The following RPRD1A variants were observed in gnomAD, a reference collection of about 807,000 sequenced individuals.
RPRD1A encodes regulation of nuclear pre-mRNA domain containing 1A.
RPRD1A carries 9 observed loss-of-function variants against 37.8 expected under a neutral mutation model. The observed-to-expected ratio is 0.24, with a 90% CI of 0.14 to 0.42. RPRD1A has a LOEUF of 0.42. RPRD1A is among the 10% of genes least tolerant of loss of function. RPRD1A has a pLI of 1.00. For synonymous variants in RPRD1A, 138 were observed against 139.7 expected (o/e 0.99, Z 0.08); for missense variants, 255 against 371.0 (o/e 0.69, Z 2.57).
rs1270475358 is a variant in RPRD1A, at chr18:36,067,543, C to T, written c.-139G>A. ...CGGCCGCCGCTTCATCCAAGACCGG[C>T]CGCAAACCAGCAAGATGGCGTCCGG... is the stretch of plus-strand genomic sequence containing the variant. On this transcript the variant is annotated 5_prime_UTR_variant, in exon 1 of 7. Coordinates refer to ENST00000399022, the MANE Select transcript of RPRD1A (RefSeq NM_018170.5). The T allele has an allele frequency of 2.4e-6, 2 of 828,436 alleles. No individual in the cohort carries two copies. Among genetic ancestry groups the T allele is most frequent in the African/African-American group, 1.8e-5 (1 of 56,284 alleles). The allele number at this position is 828,436 out of a possible 1,614,324, so 51.3% of individuals were successfully genotyped here.
At chr18:36,033,153 T>C (rs1490304205) in intron 2 of RPRD1A, among the ~76,000 whole-genome samples, 2 of 151,636 alleles carry the variant, frequency 1.3e-5, no homozygotes, top group African/African-American at 4.8e-5. Context: ...AACACAAAAA[T>C]TAGCCAGGCA....
chr18:36,066,287 C>T (rs2089029477), intron 1 of RPRD1A, among the ~76,000 whole-genome samples: 2 of 152,200 alleles, frequency 1.3e-5, no homozygotes, highest in South Asian at 2.1e-4. Flanking sequence ...TTGGCTGTTA[C>T]GTACATACAT....
intron 2 of RPRD1A, among the ~76,000 whole-genome samples, chr18:36,033,231 G>A (rs1023388322): frequency 8.8e-5 from 13 of 147,908 alleles, no homozygotes; most frequent in East Asian, 8.0e-4. Flanking sequence ...GAACCCAAGC[G>A]GCAGAGGTTG....
chr18:36,031,124 A>G, intron 2 of RPRD1A, 27 bp from the exon 3 acceptor site: 1 of 1,514,322 alleles, frequency 6.6e-7, no homozygotes, highest in South Asian at 1.3e-5. Flanking sequence ...AGAAAAAAAG[A>G]AAAATGTTAA....
At chr18:36,019,529 T>G (rs189235517) in intron 6 of RPRD1A, among the ~76,000 whole-genome samples, 1 of 152,316 alleles carries the variant, frequency 6.6e-6, no homozygotes, top group Admixed American at 6.5e-5. Flanking sequence ...AGGTAGTACA[T>G]GACAACCACT....
chr18:35,993,086 G>A lies in RPRD1A; in HGVS notation c.*65C>T, dbSNP rs1281716504. On this transcript the variant is annotated 3_prime_UTR_variant, in exon 7 of 7. Coordinates refer to ENST00000399022, the MANE Select transcript of RPRD1A (RefSeq NM_018170.5). ...AACAATATACAAAAATAACACTACA[G>A]GACTATCCACCTAACCTGTCTCCAT... 4.2e-6 allele frequency: 6 copies of A among 1,436,414 alleles called. No individual in the cohort carries two copies. Among genetic ancestry groups the A allele is most frequent in the Admixed American group, 2.1e-5 (1 of 48,234 alleles). 89.0% of individuals were successfully genotyped at this position (1,436,414 alleles called of 1,614,324 possible). A position where few individuals can be genotyped will look rare whatever the true frequency, so the allele number is the denominator to read the frequency against.
intron 6 of RPRD1A, among the ~76,000 whole-genome samples, chr18:35,996,364 C>T (rs1033886967): frequency 6.6e-6 from 1 of 151,934 alleles, no homozygotes; most frequent in Non-Finnish European, 1.5e-5. Flanking sequence ...AATGCTAAAA[C>T]ACAGGCATCA....
Position 36,036,740 on chromosome 18 carries a change from T to A in RPRD1A, c.152-2903A>T, listed in dbSNP as rs563344632. ...CAATCCAAGAAAATCACACAAAAAATTTCCAAATGAATTTTGATATTTTTA... is the reference window on the plus strand; with the variant it reads ...CAATCCAAGAAAATCACACAAAAAAATTCCAAATGAATTTTGATATTTTTA... On this transcript the variant is annotated intron_variant, in intron 1 of 6. Transcript: ENST00000399022. Among the ~76,000 whole-genome samples the A allele has an allele frequency of 1.8e-4, 27 of 152,192 alleles. No homozygotes were observed. In the East Asian group the frequency reaches 2.1e-3, roughly 12 times the overall value.
intron 1 of RPRD1A, among the ~76,000 whole-genome samples, chr18:36,048,718 C>A (rs1409616273): frequency 6.6e-6 from 1 of 150,810 alleles, no homozygotes; most frequent in African/African-American, 2.4e-5. Context: ...TGATCAGGAA[C>A]AAGGCAATAA....
At chr18:36,018,366 T>C (rs941092069) in intron 6 of RPRD1A, among the ~76,000 whole-genome samples, 1 of 151,690 alleles carries the variant, frequency 6.6e-6, no homozygotes, top group Non-Finnish European at 1.5e-5. Flanking sequence ...CTCTGCCTCC[T>C]GGGTTCACGC....
At chr18:36,015,389 T>A (rs1303486351) in intron 6 of RPRD1A, among the ~76,000 whole-genome samples, 4 of 152,012 alleles carry the variant, frequency 2.6e-5, no homozygotes, top group African/African-American at 9.7e-5. Context: ...ATTTTTGTAT[T>A]TTTAGTAGAA....
intron 1 of RPRD1A, among the ~76,000 whole-genome samples, chr18:36,051,811 A>T (rs952536176): frequency 6.6e-6 from 1 of 152,210 alleles, no homozygotes; most frequent in Non-Finnish European, 1.5e-5. Context: ...GAGCAGAAAG[A>T]AAAAGAATGA....
intron 6 of RPRD1A, among the ~76,000 whole-genome samples, chr18:36,018,169 C>T (rs1001639471): frequency 2.0e-5 from 3 of 151,178 alleles, no homozygotes; most frequent in Admixed American, 2.0e-4. Flanking sequence ...TATTCAAAAT[C>T]CTCAAGTGTC....
rs575889505 is a variant in RPRD1A, at chr18:36,055,742, G to C, written c.151+11512C>G. 2.6e-5 allele frequency among the ~76,000 whole-genome samples: 4 copies of C among 152,226 alleles called. No individual in the cohort carries two copies. The South Asian group carries it at 8.3e-4, about 32-fold the overall frequency. ...AAATAAGAATACACAAGAAAACTCTGAAACAGGGAAGAGTAATTGCTGAAG... is the reference window on the plus strand; with the variant it reads ...AAATAAGAATACACAAGAAAACTCTCAAACAGGGAAGAGTAATTGCTGAAG... On this transcript the variant is annotated intron_variant, in intron 1 of 6. Transcript: ENST00000399022.
Position 35,990,310 on chromosome 18 carries a change from A to G in RPRD1A, c.*2841T>C, listed in dbSNP as rs1266371032. On this transcript the variant is annotated 3_prime_UTR_variant, in exon 7 of 7. Transcript: ENST00000399022. ...TTAAAAAGATGAGTTGCTCATCTAC[A>G]GTGATAACTGACAACTTAGTTTTGT... 3 of 152,368 alleles carry G rather than the reference A, an allele frequency of 2.0e-5. No individual in the cohort carries two copies. The South Asian group carries it at 6.2e-4, about 32-fold the overall frequency. The allele number at this position is 152,368 out of a possible 1,614,324, so 9.4% of individuals were successfully genotyped here. A position where few individuals can be genotyped will look rare whatever the true frequency, so the allele number is the denominator to read the frequency against.
intron 6 of RPRD1A, among the ~76,000 whole-genome samples, chr18:35,997,659 T>C (rs1909158667): frequency 6.6e-6 from 1 of 152,242 alleles, no homozygotes; most frequent in African/African-American, 2.4e-5. Flanking sequence ...ACCTTTTTCC[T>C]CTACTACAAA....
At chr18:36,057,985 T>C (rs899513038) in intron 1 of RPRD1A, among the ~76,000 whole-genome samples, 13 of 152,222 alleles carry the variant, frequency 8.5e-5, no homozygotes, top group Non-Finnish European at 1.6e-4. Flanking sequence ...ATCATCCTTG[T>C]TCACTAAGAC....
chr18:36,027,406 C>G (rs1911448219), intron 4 of RPRD1A, 96 bp from the exon 5 acceptor site: 1 of 1,331,112 alleles, frequency 7.5e-7, no homozygotes. Context: ...GGGCTATTTA[C>G]TAGTACAAAG....
chr18:36,000,508 T>G (rs1240046651), intron 6 of RPRD1A, among the ~76,000 whole-genome samples: 1 of 152,208 alleles, frequency 6.6e-6, no homozygotes, highest in Non-Finnish European at 1.5e-5. Flanking sequence ...TTTATCAAGT[T>G]TTCTGCAAGG....
Sources: gnomAD v4.1 joint callset for allele counts (sites outside exome capture counted in the v4.1 genomes callset) on GRCh38, gnomAD v4.1.1 for gene constraint, MANE v1.5 for transcripts, NCBI Gene and HGNC (gene_info 2026-07-23, HGNC 2026-07-21) for gene names.